PHLPP2: variants seen among roughly 807,000 people sequenced by gnomAD.
PHLPP2 encodes PH domain leucine-rich repeat-containing protein phosphatase 2.
Under a neutral mutation model 124.9 loss-of-function variants are expected in PHLPP2, and 66 were observed. That is an observed-to-expected ratio of 0.53 (90% CI 0.43 to 0.65). The LOEUF is 0.65. Among genes scored for constraint, PHLPP2 ranks in the 30% least tolerant of loss-of-function variants. The probability of loss-of-function intolerance (pLI) is 0.00; values close to 1 mark genes in which losing one functional copy is unlikely to be tolerated. For missense variants in PHLPP2, 1,685 were observed against 1,600.4 expected, an observed-to-expected ratio of 1.05 and a Z score of -0.90; for synonymous variants, 681 against 624.7, an observed-to-expected ratio of 1.09 and a Z score of -1.34.
rs149141921 is a variant in PHLPP2, at chr16:71,649,515, C to T, written c.3347G>A (p.Arg1116Gln). 693 of 1,614,018 alleles carry T rather than the reference C, an allele frequency of 4.3e-4. No homozygotes were observed. Among genetic ancestry groups the T allele is most frequent in the Non-Finnish European group, 5.3e-4 (622 of 1,180,036 alleles). The change falls in exon 19 of 19, where the codon CGG becomes CAG. Residue 1116 changes from arginine to glutamine, a missense_variant. Coordinates refer to ENST00000568954, the MANE Select transcript of PHLPP2 (RefSeq NM_015020.3). ...LDTALLPRPE[R>Q]RCSLHPTPTS... ...GGGTGTTGGGTGGAGGCTGCAGCGCCGCTCTGGCCTCGGAAGCAAGGCAGT... is the reference window on the plus strand; with the variant it reads ...GGGTGTTGGGTGGAGGCTGCAGCGCTGCTCTGGCCTCGGAAGCAAGGCAGT...
intron 3 of PHLPP2, among the ~76,000 whole-genome samples, chr16:71,695,245 T>C (rs1405805302): frequency 6.6e-6 from 1 of 152,190 alleles, no homozygotes; most frequent in African/African-American, 2.4e-5. Context: ...AACCCAATAA[T>C]TTCATTCTTA....
intron 3 of PHLPP2, among the ~76,000 whole-genome samples, chr16:71,697,687 C>T (rs1472939326): frequency 1.3e-5 from 2 of 152,094 alleles, no homozygotes; most frequent in Non-Finnish European, 2.9e-5. Flanking sequence ...CACAGAGAAA[C>T]GTTCAGGCAG....
At chr16:71,666,690 C>A (rs948197174) in intron 12 of PHLPP2, among the ~76,000 whole-genome samples, 1 of 152,186 alleles carries the variant, frequency 6.6e-6, no homozygotes, top group African/African-American at 2.4e-5. Context: ...TCTGGAAGGA[C>A]ATTATCTGTA....
At position 71,681,784 on chromosome 16, in the gene PHLPP2, A is replaced by G. The variant is rs371768349; in HGVS notation, c.857T>C (p.Leu286Ser). Residue 286 changes from leucine to serine, a missense_variant, in exon 6 of 19, where the codon TTA becomes TCA. Transcript: ENST00000568954. ...YLNLRHNFMQ[L>S]ERPGGLDTLY... is the part of the protein sequence containing the mutation. The stretch of plus-strand genomic sequence containing the variant: ...TGTATCGAGGCCTCCGGGTCTTTCT[A>G]ACTGCATGAAGTTGTGTCGCAAGTT... The G allele has an allele frequency of 3.7e-6, 6 of 1,613,678 alleles. No homozygotes were observed. In the African/African-American group the frequency reaches 6.7e-5, roughly 18 times the overall value.
At chr16:71,665,208 C>T (rs954978180) in intron 12 of PHLPP2, among the ~76,000 whole-genome samples, 3 of 152,000 alleles carry the variant, frequency 2.0e-5, no homozygotes, top group African/African-American at 7.3e-5. Flanking sequence ...ACTTGGGAGG[C>T]TGAGGCAGGA....
chr16:71,672,451 AG>A, intron 9 of PHLPP2, 129 bp from the exon 10 acceptor site: 1 of 689,384 alleles, frequency 1.5e-6, no homozygotes, highest in Non-Finnish European at 2.5e-6. Context: ...GATGAGCTAA[AG>A]ACAAAAACTA....
In PHLPP2 at chr16:71,649,135, C is replaced by G. The variant is rs1232981675; in HGVS notation, c.3727G>C (p.Gly1243Arg). Residue 1243 changes from glycine (G) to arginine (R), a missense_variant, in exon 19 of 19, where the codon GGC becomes CGC. Coordinates refer to ENST00000568954, the MANE Select transcript of PHLPP2 (RefSeq NM_015020.3). ...CTGTCCTCTAGGGGCACAATAGAGC[C>G]ATTGGAGAGTTTCTTCCCATAGAGG... ...SCLYGKKLSN[G>R]SIVPLEDSLN... 1 of 1,613,982 alleles carries G rather than the reference C, an allele frequency of 6.2e-7. No homozygotes were observed. The highest frequency in any genetic ancestry group is 1.3e-5 in the African/African-American group (1 of 74,906).
chr16:71,653,027 C>G lies in PHLPP2; in HGVS notation c.2586-6G>C. 3.1e-6 allele frequency: 5 copies of G among 1,598,270 alleles called. No homozygotes were observed. The highest frequency in any genetic ancestry group is 4.3e-6 in the Non-Finnish European group (5 of 1,170,174). On this transcript the variant is annotated splice_region_variant and splice_polypyrimidine_tract_variant and intron_variant, in intron 17 of 18. Coordinates refer to ENST00000568954, the MANE Select transcript of PHLPP2 (RefSeq NM_015020.3). The stretch of plus-strand genomic sequence containing the variant: ...GGCCAGCCATTCCTAATTTCCTGTT[C>G]AGAAAGAAAAGGAAAAGAAGACGTG...
chr16:71,679,862 C>T (rs1352214383), intron 6 of PHLPP2, among the ~76,000 whole-genome samples: 1 of 152,152 alleles, frequency 6.6e-6, no homozygotes, highest in Admixed American at 6.5e-5. Flanking sequence ...GCAGGTGGAT[C>T]ACGAGGTTAG....
intron 11 of PHLPP2, among the ~76,000 whole-genome samples, chr16:71,668,358 G>A (rs1380067689): frequency 1.5e-5 from 2 of 137,860 alleles, no homozygotes; most frequent in Non-Finnish European, 3.0e-5. Context: ...AGAGCTTGCA[G>A]TGAGCCGAGA....
In PHLPP2 at chr16:71,667,315, A is replaced by G; in HGVS notation, c.1647T>C (p.Ser549=). ...EVPVRILSSL[S]LRKLMLGHNH... ...TGTGTCCCAGCATCAGTTTTCTAAG[A>G]CTCAAGCTACTCAGAATTCTAAGGG... Residue 549 remains serine (S), a synonymous_variant, in exon 12 of 19, where the codon AGT becomes AGC. Coordinates refer to ENST00000568954, the MANE Select transcript of PHLPP2 (RefSeq NM_015020.3). 6.2e-7 allele frequency: 1 copy of G among 1,612,804 alleles called. No homozygotes were observed. Among genetic ancestry groups the G allele is most frequent in the South Asian group, 1.1e-5 (1 of 90,798 alleles).
intron 12 of PHLPP2, 116 bp from the exon 13 acceptor site, chr16:71,664,215 A>G: frequency 1.7e-6 from 1 of 591,004 alleles, no homozygotes. Flanking sequence ...CCAAATGGGA[A>G]AAAAAAAAAA....
At chr16:71,723,120 C>G (rs1004036019) in intron 1 of PHLPP2, 1 of 152,360 alleles carries the variant, frequency 6.6e-6, no homozygotes, top group Non-Finnish European at 1.5e-5. Context: ...CGGCCCGGCC[C>G]CTCCTCCCTT....
chr16:71,651,707 G>C (rs989217261), intron 18 of PHLPP2, among the ~76,000 whole-genome samples: 1 of 151,998 alleles, frequency 6.6e-6, no homozygotes, highest in Non-Finnish European at 1.5e-5. Context: ...CTCTAATATA[G>C]AATTCTGACA....
At chr16:71,723,399 C>A (rs1479316417) in intron 1 of PHLPP2, 1 of 152,498 alleles carries the variant, frequency 6.6e-6, no homozygotes, top group Non-Finnish European at 1.5e-5. Context: ...CGGCGGCCCT[C>A]CGAGCCCTCC....
intron 4 of PHLPP2, among the ~76,000 whole-genome samples, chr16:71,687,869 G>A (rs184141382): frequency 4.6e-5 from 7 of 152,084 alleles, no homozygotes; most frequent in Admixed American, 3.3e-4. Context: ...ATGTATACCA[G>A]AGCCTTTCTG....
chr16:71,710,934 C>T (rs2045319678), intron 2 of PHLPP2, among the ~76,000 whole-genome samples: 2 of 152,144 alleles, frequency 1.3e-5, no homozygotes, highest in African/African-American at 4.8e-5. Flanking sequence ...ATCTCTAAAC[C>T]ATTGCTGCAT....
At chr16:71,683,615 C>T (rs2045024473) in intron 5 of PHLPP2, among the ~76,000 whole-genome samples, 1 of 152,122 alleles carries the variant, frequency 6.6e-6, no homozygotes. Context: ...ACAGACAGTA[C>T]AGAGGAAAAT....
chr16:71,697,828 T>C (rs959569332), intron 3 of PHLPP2, among the ~76,000 whole-genome samples: 10 of 149,702 alleles, frequency 6.7e-5, no homozygotes, highest in Non-Finnish European at 1.5e-4. Flanking sequence ...TTTTTTTTTT[T>C]AAGGTGAACA....
Sources: allele counts gnomAD v4.1 joint callset (sites outside exome capture counted in the v4.1 genomes callset), GRCh38; gene constraint gnomAD v4.1.1; transcripts MANE v1.5; gene names NCBI Gene and HGNC (gene_info 2026-07-23, HGNC 2026-07-21).